The following BRAT1 variants were observed in gnomAD, a reference collection of about 807,000 sequenced individuals.
BRAT1 encodes integrator complex assembly factor BRAT1.
Under a neutral mutation model 70.6 loss-of-function variants are expected in BRAT1, and 74 were observed. The ratio of observed to expected loss-of-function variants is 1.05; its 90% confidence interval spans 0.87 to 1.27. The LOEUF is 1.27. Ranked by LOEUF, BRAT1 falls within the 50% of genes most tolerant of loss-of-function variation. The pLI is 0.00. For missense variants in BRAT1, 1,203 were observed against 1,098.2 expected, an observed-to-expected ratio of 1.10 and a Z score of -1.35; for synonymous variants, 615 against 517.1, an observed-to-expected ratio of 1.19 and a Z score of -2.57.
At chr7:2,542,311 G>A (rs935113879) in intron 6 of BRAT1, 100 bp from the exon 7 acceptor site, 1 of 980,792 alleles carries the variant, frequency 1.0e-6, no homozygotes, top group Non-Finnish European at 1.6e-6. Flanking sequence ...CAGCCAGGGG[G>A]TTGGGACACC....
intron 3 of BRAT1, 69 bp downstream of exon 3, chr7:2,547,254 CA>C: frequency 6.4e-7 from 1 of 1,573,866 alleles, no homozygotes; most frequent in Non-Finnish European, 8.7e-7. Flanking sequence ...ACAAATGCCC[CA>C]CCTGGCTGCG....
chr7:2,545,917 C>G (rs1458106998), intron 3 of BRAT1, among the ~76,000 whole-genome samples: 2 of 152,230 alleles, frequency 1.3e-5, no homozygotes, highest in African/African-American at 4.8e-5. Flanking sequence ...GCTAGGGAGC[C>G]TGCAGCTGCT....
intron 2 of BRAT1, among the ~76,000 whole-genome samples, chr7:2,551,255 CTATATCTATATA>C (rs1378788526): frequency 2.1e-5 from 3 of 144,238 alleles, no homozygotes; most frequent in South Asian, 2.2e-4. Flanking sequence ...AAAAAAAAAT[CTATATCTATATA>C]TATATCTATA....
rs748933679 is a variant in BRAT1, at chr7:2,541,365, G to A, written c.1254C>T (p.Thr418=). 8 of 1,607,666 alleles carry A rather than the reference G, an allele frequency of 5.0e-6. No individual in the cohort carries two copies. Among genetic ancestry groups the A allele is most frequent in the Non-Finnish European group, 5.9e-6 (7 of 1,179,598 alleles). Residue 418 remains threonine (T), a synonymous_variant, in exon 9 of 14, where the codon ACC becomes ACT. Transcript: ENST00000340611. Reference sequence around the variant, plus strand: ...GCTGGACCCGGACGCAGCCCGCCAGGGTCCCACAGAGGTGGCCCCCCACAC... The same window carrying A: ...GCTGGACCCGGACGCAGCCCGCCAGAGTCCCACAGAGGTGGCCCCCCACAC... The part of the protein sequence containing the change: ...ASSVGGHLCG[T]LAGCVRVQRA...
chr7:2,541,986 C>A, intron 7 of BRAT1, 134 bp downstream of exon 7: 1 of 1,208,122 alleles, frequency 8.3e-7, no homozygotes. Flanking sequence ...CCCCGGTCCC[C>A]TTTGCTCTTG....
chr7:2,550,727 G>C (rs1309694064), intron 2 of BRAT1, among the ~76,000 whole-genome samples: 3 of 152,018 alleles, frequency 2.0e-5, no homozygotes, highest in Non-Finnish European at 2.9e-5. Flanking sequence ...GGAGGGAGGA[G>C]GAAACAGGGA....
chr7:2,539,392 C>T lies in BRAT1; in HGVS notation c.1598-41G>A, dbSNP rs373559290. On this transcript the variant is annotated intron_variant, in intron 12 of 13. Transcript: ENST00000340611. Reference sequence around the variant, plus strand: ...GCCACATGCAGCTGTGACTGAGGGCCGAGCCTTGTCGCCTCGGCCTCTGCC... The same window carrying T: ...GCCACATGCAGCTGTGACTGAGGGCTGAGCCTTGTCGCCTCGGCCTCTGCC... The T allele has an allele frequency of 1.8e-5, 29 of 1,570,280 alleles. No individual in the cohort carries two copies. In the African/African-American group the frequency reaches 2.2e-4, roughly 12 times the overall value.
At position 2,554,402 on chromosome 7, in the gene BRAT1, C is replaced by T; in HGVS notation, c.30G>A (p.Pro10=). ...GATCTACCAGAACAGCACAGAGAGC[C>T]GGGAGCAGCTGGGCGCATTCTGGGT... The part of the protein sequence containing the change: MDPECAQLL[P]ALCAVLVDPR... The change falls in exon 2 of 14, where the codon CCG becomes CCA. Residue 10 remains proline, a synonymous_variant. Coordinates refer to ENST00000340611, the MANE Select transcript of BRAT1 (RefSeq NM_152743.4). The T allele has an allele frequency of 1.9e-6, 3 of 1,613,842 alleles. No individual in the cohort carries two copies. The highest frequency in any genetic ancestry group is 2.5e-6 in the Non-Finnish European group (3 of 1,179,888).
At chr7:2,545,363 C>CAAAAAAAA (rs1185029266) in intron 3 of BRAT1, among the ~76,000 whole-genome samples, 1,105 of 25,130 alleles carry the variant, frequency 0.044, 146 homozygotes, top group East Asian at 0.079. Flanking sequence ...GACTCCATCT[C>CAAAAAAAA]AAAAAAAAAA....
In BRAT1 at chr7:2,541,066, G is replaced by C. The variant is rs1779115958; in HGVS notation, c.1322-14C>G. ...GCTCCTGGGGGCCTGAGACAGAGGT[G>C]AGTGGATAAACCACCCCCACCCCCA... On this transcript the variant is annotated splice_polypyrimidine_tract_variant and intron_variant, in intron 9 of 13. Coordinates refer to ENST00000340611, the MANE Select transcript of BRAT1 (RefSeq NM_152743.4). 6.4e-7 allele frequency: 1 copy of C among 1,556,832 alleles called. No homozygotes were observed.
rs1486373355 is a variant in BRAT1, at chr7:2,544,927, G to A, written c.412C>T (p.Arg138Cys). The A allele has an allele frequency of 2.6e-6, 4 of 1,551,862 alleles. No homozygotes were observed. Among genetic ancestry groups the A allele is most frequent in the South Asian group, 2.4e-5 (2 of 84,170 alleles). ...RSLAQHPSALRFLADHGAVDT... is the reference protein window; with the variant it reads ...RSLAQHPSALCFLADHGAVDT... Reference sequence around the variant, plus strand: ...CACTCACCATGGTCGGCCAGGAAGCGCAGGGCGCTGGGGTGCTGTGCCAGG... The same window carrying A: ...CACTCACCATGGTCGGCCAGGAAGCACAGGGCGCTGGGGTGCTGTGCCAGG... The change falls in exon 4 of 14, where the codon CGC (arginine) becomes TGC (cysteine). Residue 138 changes from arginine to cysteine, a missense_variant. Arg to Cys is a radical substitution (Grantham distance 180, BLOSUM62 -3). Transcript: ENST00000340611.
rs758899987 is a variant in BRAT1, at chr7:2,554,230, C to G, written c.127+75G>C. 471 of 1,568,908 alleles carry G rather than the reference C, an allele frequency of 3.0e-4. 1 individual carries two copies. Among genetic ancestry groups the G allele is most frequent in the Non-Finnish European group, 3.5e-4 (403 of 1,152,328 alleles). On this transcript the variant is annotated intron_variant, in intron 2 of 13. Coordinates refer to ENST00000340611, the MANE Select transcript of BRAT1 (RefSeq NM_152743.4). ...TCCTCCAGGACAGGGGAGTCCCCATCTGGCCCCTGCTCCCTGTCCCAGCCT... is the reference window on the plus strand; with the variant it reads ...TCCTCCAGGACAGGGGAGTCCCCATGTGGCCCCTGCTCCCTGTCCCAGCCT...
intron 3 of BRAT1, among the ~76,000 whole-genome samples, chr7:2,546,744 TAATAA>T (rs889241040): frequency 3.9e-5 from 6 of 151,928 alleles, no homozygotes; most frequent in Non-Finnish European, 8.8e-5. Context: ...CGAAAAATAA[TAATAA>T]AATAAAATAA....
At position 2,538,018 on chromosome 7, in the gene BRAT1, A is replaced by G; in HGVS notation, c.*51T>C. The G allele has an allele frequency of 1.3e-6, 2 of 1,491,604 alleles. No individual in the cohort carries two copies. The highest frequency in any genetic ancestry group is 1.8e-6 in the Non-Finnish European group (2 of 1,121,496). The allele number at this position is 1,491,604 out of a possible 1,614,324, so 92.4% of individuals were successfully genotyped here. A position where few individuals can be genotyped will look rare whatever the true frequency, so the allele number is the denominator to read the frequency against. On this transcript the variant is annotated 3_prime_UTR_variant, in exon 14 of 14. Transcript: ENST00000340611. ...GGCTGGCAGTGTCCCACAGAAGGAC[A>G]TGGTGCTGCCTCCCTTGGTCCTGAG... is the stretch of plus-strand genomic sequence containing the variant.
At chr7:2,544,193 T>C (rs540596898) in intron 4 of BRAT1, 68 of 361,576 alleles carry the variant, frequency 1.9e-4, no homozygotes, top group African/African-American at 1.7e-3. Context: ...ATTCGTTCCT[T>C]CTTGTTGTTT....
Position 2,539,320 on chromosome 7 carries a change from A to G in BRAT1, c.1629T>C (p.Ala543=), listed in dbSNP as rs745710093. Residue 543 remains alanine (A), a synonymous_variant, in exon 13 of 14, where the codon GCT becomes GCC. Transcript: ENST00000340611. ...GCAGGGCCAGCTGAGGCACCTCTGA[A>G]GCCAAGAGTGCGCATCTGAAGTCAG... The part of the protein sequence containing the change: ...GQADFRCALL[A]SEVPQLALQL... 6.2e-7 allele frequency: 1 copy of G among 1,611,618 alleles called. No individual in the cohort carries two copies. The highest frequency in any genetic ancestry group is 8.5e-7 in the Non-Finnish European group (1 of 1,179,520).
chr7:2,545,493 C>CTTTTTTTTTT (rs1260051801), intron 3 of BRAT1, among the ~76,000 whole-genome samples: 7 of 107,620 alleles, frequency 6.5e-5, no homozygotes, highest in African/African-American at 3.4e-4. Flanking sequence ...ACACTTTCTT[C>CTTTTTTTTTT]TTCTTTTTTT....
chr7:2,541,250 G>A, intron 9 of BRAT1, 48 bp downstream of exon 9: 1 of 1,519,166 alleles, frequency 6.6e-7, no homozygotes. Flanking sequence ...AAAGGAGAGT[G>A]GGGGCACAGG....
Position 2,538,423 on chromosome 7 carries a change from G to C in BRAT1, c.2112C>G (p.Ala704=), listed in dbSNP as rs1778856707. Residue 704 remains alanine, a synonymous_variant, in exon 14 of 14, where the codon GCC becomes GCG. Transcript: ENST00000340611. ...ALCHVGLFDF[A]FCALFDCDRP... ...GGTCGCAGTCAAACAAGGCACAAAA[G>C]GCGAAGTCAAAGAGCCCCACGTGGC... 1 of 1,613,372 alleles carries C rather than the reference G, an allele frequency of 6.2e-7. No individual in the cohort carries two copies. Among genetic ancestry groups the C allele is most frequent in the Non-Finnish European group, 8.5e-7 (1 of 1,179,978 alleles).
Sources: allele counts gnomAD v4.1 joint callset (sites outside exome capture counted in the v4.1 genomes callset), GRCh38; gene constraint gnomAD v4.1.1; transcripts MANE v1.5; gene names NCBI Gene and HGNC (gene_info 2026-07-23, HGNC 2026-07-21).